PRKCZ: variants seen among roughly 807,000 people sequenced by gnomAD.
PRKCZ encodes protein kinase C zeta.
PRKCZ carries 33 observed loss-of-function variants against 79.5 expected under a neutral mutation model. The observed-to-expected ratio is 0.41, with a 90% CI of 0.31 to 0.55. The LOEUF is 0.55. PRKCZ is among the 20% of genes least tolerant of loss of function. The probability of loss-of-function intolerance (pLI) is 0.19; values close to 1 mark genes in which losing one functional copy is unlikely to be tolerated. For missense variants in PRKCZ, 578 were observed against 813.5 expected (o/e 0.71, Z 3.52); for synonymous variants, 342 against 320.9 (o/e 1.07, Z -0.70).
chr1:2,076,580 A>G (rs556156897), intron 4 of PRKCZ, among the ~76,000 whole-genome samples: 3 of 152,190 alleles, frequency 2.0e-5, no homozygotes, highest in Admixed American at 6.5e-5. Flanking sequence ...CGGCTCTACT[A>G]AAAATACAAA....
At position 2,059,563 on chromosome 1, in the gene PRKCZ, G is replaced by C; in HGVS notation, c.306G>C (p.Gln102His). Residue 102 changes from glutamine to histidine, a missense_variant, in exon 4 of 18, where the codon CAG (glutamine) becomes CAC (histidine). Gln to His is a conservative substitution (Grantham distance 24). This residue lies in a region of PRKCZ where 228 missense variants were observed against 211.6 expected (regional missense o/e 1.08). Transcript: ENST00000378567. ...IIHVFPSTPE[Q>H]PGLPCPGEDK... ...CAGTTTTCCCGAGCACCCCTGAGCA[G>C]CCTGGCCTGCCATGTCCGGGAGAAG... 6.2e-7 allele frequency: 1 copy of C among 1,614,244 alleles called. No individual in the cohort carries two copies. Among genetic ancestry groups the C allele is most frequent in the Non-Finnish European group, 8.5e-7 (1 of 1,180,044 alleles).
chr1:2,050,626 G>T lies in PRKCZ; in HGVS notation c.-5G>T. On this transcript the variant is annotated 5_prime_UTR_variant, in exon 1 of 18. Transcript: ENST00000378567. ...CAGCGCTGACGGCGGCGGGGGGAGC[G>T]CGCCATGCCCAGCAGGACCGGCCCC... 8.2e-7 allele frequency: 1 copy of T among 1,224,194 alleles called. No individual in the cohort carries two copies. The highest frequency in any genetic ancestry group is 1.0e-6 in the Non-Finnish European group (1 of 982,776). The allele number at this position is 1,224,194 out of a possible 1,614,324, so 75.8% of individuals were successfully genotyped here. A position where few individuals can be genotyped will look rare whatever the true frequency, so the allele number is the denominator to read the frequency against.
chr1:2,168,402 C>T lies in PRKCZ; in HGVS notation c.975-1116C>T, dbSNP rs910108428. 2.0e-5 allele frequency among the ~76,000 whole-genome samples: 3 copies of T among 152,214 alleles called. No individual in the cohort carries two copies. The highest frequency in any genetic ancestry group is 2.9e-5 in the Non-Finnish European group (2 of 68,042). On this transcript the variant is annotated intron_variant, in intron 10 of 17. Transcript: ENST00000378567. This position sits in a 1 kb window ranked among gnomAD's most constrained non-coding sequence, Gnocchi z 4.7. ...CAAAAGCCGAGGAACGAGCCTTCCC[C>T]AGCCGCTCCCCAAAGGCACGGCTTA...
intron 4 of PRKCZ, among the ~76,000 whole-genome samples, chr1:2,095,784 T>C (rs1372326781): frequency 8.1e-6 from 1 of 123,696 alleles, no homozygotes; most frequent in African/African-American, 3.1e-5. Flanking sequence ...TCTTCCCTCC[T>C]CTGCCCTCTG....
chr1:2,139,900 G>A (rs1160047827), intron 5 of PRKCZ, among the ~76,000 whole-genome samples: 1 of 152,214 alleles, frequency 6.6e-6, no homozygotes, highest in Non-Finnish European at 1.5e-5. Flanking sequence ...CCATGGTAGG[G>A]CCACGTCTCT....
chr1:2,183,281 G>A (rs1292745319), intron 16 of PRKCZ, among the ~76,000 whole-genome samples: 4 of 151,876 alleles, frequency 2.6e-5, no homozygotes, highest in East Asian at 3.9e-4. Flanking sequence ...CTGTAGTCCC[G>A]GCTACTCAGG....
intron 4 of PRKCZ, chr1:2,104,699 C>T (rs1197759410): frequency 1.3e-5 from 13 of 985,722 alleles, no homozygotes; most frequent in Non-Finnish European, 1.6e-5. Flanking sequence ...CTGGGCCTGC[C>T]CTGGCGAGGG....
At position 2,055,447 on chromosome 1, in the gene PRKCZ, C is replaced by G. The variant is rs772888599; in HGVS notation, c.78C>G (p.Ile26Met). 2 of 1,612,412 alleles carry G rather than the reference C, an allele frequency of 1.2e-6. No homozygotes were observed. The highest frequency in any genetic ancestry group is 8.5e-7 in the Non-Finnish European group (1 of 1,178,976). ...CATGTCCCCTCTGCCCCAGGGACAT[C>G]TTCATCACCAGCGTGGACGCCGCCA... ...VRLKAHYGGD[I>M]FITSVDAATT... The change falls in exon 2 of 18, where the codon ATC (isoleucine) becomes ATG (methionine). Residue 26 changes from isoleucine (I) to methionine (M), a missense_variant. Ile to Met is a conservative substitution (Grantham distance 10). Around this residue, in one of 4 missense-constraint regions of PRKCZ, gnomAD observed 228 missense variants for 211.6 expected, o/e 1.08. Transcript: ENST00000378567.
intron 4 of PRKCZ, among the ~76,000 whole-genome samples, chr1:2,067,778 C>G (rs1417450422): frequency 1.3e-5 from 2 of 152,224 alleles, no homozygotes; most frequent in Non-Finnish European, 2.9e-5. Flanking sequence ...TTTGCCCCTC[C>G]TTGCTGTATC....
At chr1:2,048,979 A>G (rs915877070), upstream of PRKCZ, among the ~76,000 whole-genome samples, 1 of 152,172 alleles carries the variant, frequency 6.6e-6, no homozygotes, top group African/African-American at 2.4e-5. Context: ...CAGCCTGGCC[A>G]ATATGGAAAA....
chr1:2,148,779 C>A, intron 7 of PRKCZ, 93 bp from the exon 8 acceptor site: 1 of 1,288,830 alleles, frequency 7.8e-7, no homozygotes, highest in Non-Finnish European at 1.1e-6. Context: ...TTCACCGTCA[C>A]CCTGCAGAGG....
At chr1:2,114,974 T>A (rs991169346) in intron 4 of PRKCZ, among the ~76,000 whole-genome samples, 5 of 152,270 alleles carry the variant, frequency 3.3e-5, no homozygotes, top group Admixed American at 2.0e-4. Context: ...CACGAGTTTT[T>A]ACAAAGCAAA....
chr1:2,176,391 G>A (rs1023386299), intron 16 of PRKCZ, among the ~76,000 whole-genome samples: 7 of 152,096 alleles, frequency 4.6e-5, no homozygotes, highest in African/African-American at 1.2e-4. Context: ...TGTTTCCAGC[G>A]CCGCTCGGTC....
rs375008683 is a variant in PRKCZ at position 2,059,649 on chromosome 1, C to T, written c.334+58C>T. 29 of 1,602,934 alleles carry T rather than the reference C, an allele frequency of 1.8e-5. No individual in the cohort carries two copies. The African/African-American group carries it at 2.4e-4, about 13-fold the overall frequency. On this transcript the variant is annotated intron_variant, in intron 4 of 17. Transcript: ENST00000378567. Reference sequence around the variant, plus strand: ...ATGTTACGGGGTTGAACTGTTGATCCGTTGTGCCACGGAGGTGGCAGTGGT... The same window carrying T: ...ATGTTACGGGGTTGAACTGTTGATCTGTTGTGCCACGGAGGTGGCAGTGGT...
chr1:2,116,097 A>G (rs373352202), intron 4 of PRKCZ: 9 of 152,340 alleles, frequency 5.9e-5, no homozygotes, highest in East Asian at 3.9e-4. Flanking sequence ...ATGCAAAAAG[A>G]CACTCTTACC....
At chr1:2,096,868 G>T (rs1666617097) in intron 4 of PRKCZ, among the ~76,000 whole-genome samples, 1 of 152,210 alleles carries the variant, frequency 6.6e-6, no homozygotes, top group African/African-American at 2.4e-5. Context: ...GGCACCCTGG[G>T]GAGGACTCAG....
intron 16 of PRKCZ, among the ~76,000 whole-genome samples, chr1:2,183,057 C>T (rs1364199260): frequency 6.6e-6 from 1 of 152,100 alleles, no homozygotes; most frequent in Non-Finnish European, 1.5e-5. Flanking sequence ...GAAACCCTGC[C>T]TCTACTAAAA....
intron 4 of PRKCZ, among the ~76,000 whole-genome samples, chr1:2,109,490 A>C (rs906790795): frequency 1.3e-5 from 2 of 152,204 alleles, no homozygotes; most frequent in African/African-American, 4.8e-5. Context: ...CGTGAATATT[A>C]AACATGTGGA....
Position 2,082,506 on chromosome 1 carries a change from T to C in PRKCZ, c.334+22915T>C, listed in dbSNP as rs1663738864. The C allele has an allele frequency of 2.3e-6, 1 of 439,208 alleles. No individual in the cohort carries two copies. Among genetic ancestry groups the C allele is most frequent in the South Asian group, 1.6e-5 (1 of 60,940 alleles). 27.2% of individuals were successfully genotyped at this position (439,208 alleles called of 1,614,324 possible). On this transcript the variant is annotated intron_variant, in intron 4 of 17. Transcript: ENST00000378567. This position sits in a 1 kb window ranked among gnomAD's most constrained non-coding sequence, Gnocchi z 4.4. Reference sequence around the variant, plus strand: ...GCGTTCCTAGCGACCGGTTTTGTGATGTGGGCAGTGCCGTGCTGGTAAATG... The same window carrying C: ...GCGTTCCTAGCGACCGGTTTTGTGACGTGGGCAGTGCCGTGCTGGTAAATG...
Sources: allele counts gnomAD v4.1 joint callset (sites outside exome capture counted in the v4.1 genomes callset), GRCh38; gene constraint gnomAD v4.1.1; regional missense constraint gnomAD v4.1.1; non-coding constraint Gnocchi (gnomAD v3.1); transcripts MANE v1.5; gene names NCBI Gene and HGNC (gene_info 2026-07-23, HGNC 2026-07-21).